The following R3HDM1 variants were observed in gnomAD, a reference collection of about 807,000 sequenced individuals.
R3HDM1 encodes the protein R3H domain-containing protein 1.
A neutral mutation model predicts 141.1 loss-of-function variants in R3HDM1; 46 were observed. The observed-to-expected ratio is 0.33, with a 90% confidence interval of 0.26 to 0.42. The LOEUF (loss-of-function observed/expected upper bound fraction) is 0.42, where lower values mean the gene tolerates loss of function less well. Ranked by LOEUF, R3HDM1 falls within the 10% of genes least tolerant of loss-of-function variation. The pLI, the probability that R3HDM1 is intolerant of heterozygous loss-of-function variation, is 1.00. For synonymous variants in R3HDM1, 435 were observed against 472.9 expected, an observed-to-expected ratio of 0.92 and a Z score of 1.04; for missense variants, 1,184 against 1,368.3, an observed-to-expected ratio of 0.87 and a Z score of 2.12.
At chr2:135,545,930 G>A (rs1698599521) in intron 1 of R3HDM1, among the ~76,000 whole-genome samples, 2 of 152,206 alleles carry the variant, frequency 1.3e-5, no homozygotes, top group Admixed American at 6.5e-5. Context: ...CAACCTCAGT[G>A]GTGTGGGACG....
chr2:135,631,594 G>A (rs909197401), intron 7 of R3HDM1, 124 bp from the exon 8 acceptor site: 2 of 604,470 alleles, frequency 3.3e-6, no homozygotes, highest in African/African-American at 3.9e-5. Context: ...CATCAAGATT[G>A]GGGTAATACT....
chr2:135,666,943 T>C, intron 19 of R3HDM1: 1 of 229,734 alleles, frequency 4.4e-6, no homozygotes, highest in Non-Finnish European at 6.9e-6. Flanking sequence ...AAAAGAAAAC[T>C]ACCTTCACAG....
intron 1 of R3HDM1, among the ~76,000 whole-genome samples, chr2:135,576,163 C>T (rs1705373243): frequency 6.6e-6 from 1 of 151,956 alleles, no homozygotes; most frequent in South Asian, 2.1e-4. Flanking sequence ...AATGGGAGGG[C>T]AAGGCAGGGG....
intron 2 of R3HDM1, among the ~76,000 whole-genome samples, chr2:135,604,581 C>G (rs1351182149): frequency 6.6e-6 from 1 of 152,174 alleles, no homozygotes; most frequent in East Asian, 1.9e-4. Flanking sequence ...AGCTGGGTAC[C>G]ACTGTGCCTG....
At chr2:135,556,968 C>A (rs1467329943) in intron 1 of R3HDM1, among the ~76,000 whole-genome samples, 1 of 151,870 alleles carries the variant, frequency 6.6e-6, no homozygotes, top group Non-Finnish European at 1.5e-5. Context: ...TTTTTTTAAA[C>A]CCAAAGAATT....
At chr2:135,567,288 C>G (rs1703013923) in intron 1 of R3HDM1, among the ~76,000 whole-genome samples, 1 of 152,102 alleles carries the variant, frequency 6.6e-6, no homozygotes, top group African/African-American at 2.4e-5. Context: ...GTACTTATTC[C>G]TTGGAATTAT....
intron 1 of R3HDM1, among the ~76,000 whole-genome samples, chr2:135,587,889 T>C (rs1325010631): frequency 6.6e-6 from 1 of 151,952 alleles, no homozygotes; most frequent in African/African-American, 2.4e-5. Context: ...TCTCCCTCCA[T>C]CTTCCATTCT....
chr2:135,705,243 G>T (rs2074751413), intron 21 of R3HDM1, among the ~76,000 whole-genome samples: 2 of 152,194 alleles, frequency 1.3e-5, no homozygotes, highest in African/African-American at 4.8e-5. Context: ...AGTGCTAATT[G>T]CATGTTTAAG....
At chr2:135,643,366 CTAGTA>C (rs2064010537) in intron 15 of R3HDM1, among the ~76,000 whole-genome samples, 2 of 151,298 alleles carry the variant, frequency 1.3e-5, no homozygotes, top group Non-Finnish European at 2.9e-5. Flanking sequence ...TAGCTATAGA[CTAGTA>C]TAGTCTTCTC....
intron 21 of R3HDM1, 66 bp from the exon 22 acceptor site, chr2:135,709,367 C>T (rs2075353130): frequency 6.3e-7 from 1 of 1,597,438 alleles, no homozygotes; most frequent in Admixed American, 1.7e-5. Context: ...GCACCGCGCC[C>T]AGCCCATTCA....
intron 15 of R3HDM1, among the ~76,000 whole-genome samples, chr2:135,642,683 G>A (rs1312068961): frequency 6.6e-6 from 1 of 152,038 alleles, no homozygotes; most frequent in African/African-American, 2.4e-5. Flanking sequence ...CATCATAATG[G>A]CAGTAGTTTA....
intron 24 of R3HDM1, among the ~76,000 whole-genome samples, chr2:135,716,681 C>T (rs950691885): frequency 2.0e-5 from 3 of 152,064 alleles, no homozygotes; most frequent in Admixed American, 6.6e-5. Flanking sequence ...AGGCTAGGTG[C>T]GGTGGCTCAC....
chr2:135,605,163 G>T, intron 3 of R3HDM1, 147 bp downstream of exon 3: 1 of 629,552 alleles, frequency 1.6e-6, no homozygotes, highest in South Asian at 2.2e-5. Flanking sequence ...GAGCCAGTTG[G>T]ATTAGCTTGC....
intron 1 of R3HDM1, among the ~76,000 whole-genome samples, chr2:135,593,126 G>A (rs1274604410): frequency 1.3e-5 from 2 of 151,868 alleles, no homozygotes; most frequent in Non-Finnish European, 2.9e-5. Context: ...CACCATGTTG[G>A]CCAGGCTAGT....
At chr2:135,628,792 T>G (rs1428066027) in intron 7 of R3HDM1, among the ~76,000 whole-genome samples, 1 of 151,886 alleles carries the variant, frequency 6.6e-6, no homozygotes, top group African/African-American at 2.4e-5. Context: ...CGCCCGGCTA[T>G]TTTTGTATTT....
At chr2:135,605,615 T>A (rs894939258) in intron 3 of R3HDM1, 1 of 152,212 alleles carries the variant, frequency 6.6e-6, no homozygotes, top group Non-Finnish European at 1.5e-5. Flanking sequence ...ACTATTCATT[T>A]CTTTGGTAAG....
chr2:135,722,340 TG>T, intron 25 of R3HDM1, 128 bp from the exon 26 acceptor site: 1 of 902,400 alleles, frequency 1.1e-6, no homozygotes. Flanking sequence ...CCAGAAGGCC[TG>T]GGACTGATTT....
chr2:135,669,740 G>C (rs2068050438), intron 19 of R3HDM1: 1 of 228,370 alleles, frequency 4.4e-6, no homozygotes, highest in African/African-American at 2.3e-5. Context: ...GATAATAATT[G>C]TATCTATTTC....
At chr2:135,586,781 G>C (rs1316448156) in intron 1 of R3HDM1, 1 of 984,800 alleles carries the variant, frequency 1.0e-6, no homozygotes, top group Non-Finnish European at 1.2e-6. Flanking sequence ...GTAACTTACT[G>C]ATAGAATGGT....
Sources: gnomAD v4.1 joint callset for allele counts (sites outside exome capture counted in the v4.1 genomes callset) on GRCh38, gnomAD v4.1.1 for gene constraint, MANE v1.5 for transcripts, NCBI Gene and HGNC (gene_info 2026-07-23, HGNC 2026-07-21) for gene names.